EYS: variants seen among roughly 807,000 people sequenced by gnomAD.
The protein encoded by EYS is EGF-like photoreceptor maintenance factor.
In EYS, 250 loss-of-function variants were observed where a neutral mutation model predicts 282.1. That is an observed-to-expected ratio of 0.89 (90% confidence interval 0.80 to 0.98). EYS has a LOEUF of 0.98. Ranked by LOEUF, EYS falls within the 50% of genes least tolerant of loss-of-function variation. EYS has a pLI of 0.00. For synonymous variants in EYS, 1,355 were observed against 1,282.9 expected (o/e 1.06, Z -1.20); for missense variants, 4,016 against 3,709.0 (o/e 1.08, Z -2.15).
At chr6:65,221,343 T>A (rs557595803) in intron 12 of EYS, among the ~76,000 whole-genome samples, 1 of 152,280 alleles carries the variant, frequency 6.6e-6, no homozygotes, top group African/African-American at 2.4e-5. Flanking sequence ...AATGGTTTTG[T>A]GTTCCAGGCC....
At chr6:64,592,392 T>C (rs542382642) in intron 25 of EYS, among the ~76,000 whole-genome samples, 2 of 152,280 alleles carry the variant, frequency 1.3e-5, no homozygotes, top group African/African-American at 4.8e-5. Context: ...GGCAAAATGT[T>C]CTGTTTATAT....
At chr6:65,498,223 G>T (rs1766323862) in intron 2 of EYS, among the ~76,000 whole-genome samples, 1 of 151,948 alleles carries the variant, frequency 6.6e-6, no homozygotes, top group Non-Finnish European at 1.5e-5. Context: ...TAGCACAAGT[G>T]TTCAGAAATC....
At chr6:64,807,010 A>G (rs1379356053) in intron 22 of EYS, among the ~76,000 whole-genome samples, 14 of 152,118 alleles carry the variant, frequency 9.2e-5, no homozygotes, top group Non-Finnish European at 2.1e-4. Flanking sequence ...TAATTTCAAC[A>G]TAGCTTTTAC....
intron 22 of EYS, among the ~76,000 whole-genome samples, chr6:64,719,839 T>A (rs1240245746): frequency 6.6e-6 from 1 of 152,102 alleles, no homozygotes; most frequent in African/African-American, 2.4e-5. Context: ...AGGTGGAGGC[T>A]GCAGTGAGCC....
At chr6:64,887,020 C>A (rs566690192) in intron 18 of EYS, among the ~76,000 whole-genome samples, 178 bp from the exon 19 acceptor site, 2 of 151,454 alleles carry the variant, frequency 1.3e-5, no homozygotes, top group Non-Finnish European at 2.9e-5. Context: ...TTTTGTTCTG[C>A]TCAAATGTTC....
At chr6:64,628,494 T>C (rs1767680778) in intron 22 of EYS, among the ~76,000 whole-genome samples, 1 of 152,138 alleles carries the variant, frequency 6.6e-6, no homozygotes, top group South Asian at 2.1e-4. Flanking sequence ...TAGCTCACTG[T>C]AATATAAAAC....
At chr6:64,293,949 C>T (rs1211218776) in intron 30 of EYS, among the ~76,000 whole-genome samples, 6 of 152,050 alleles carry the variant, frequency 3.9e-5, no homozygotes. Flanking sequence ...ATCAATCTTT[C>T]ATATTTTAGG....
At chr6:64,312,852 C>T (rs1431925215) in intron 29 of EYS, among the ~76,000 whole-genome samples, 3 of 152,132 alleles carry the variant, frequency 2.0e-5, no homozygotes, top group Admixed American at 6.5e-5. Flanking sequence ...ACAAAAAGGA[C>T]GTCCACTCAG....
At chr6:64,690,112 A>C (rs1770318774) in intron 22 of EYS, among the ~76,000 whole-genome samples, 1 of 151,910 alleles carries the variant, frequency 6.6e-6, no homozygotes. Context: ...ATCTACAAAG[A>C]ACTCAAACAA....
At chr6:64,250,796 T>G (rs1730870796) in intron 30 of EYS, among the ~76,000 whole-genome samples, 2 of 152,282 alleles carry the variant, frequency 1.3e-5, no homozygotes, top group African/African-American at 4.8e-5. Context: ...CTCTATTAAT[T>G]TCCATGTGAG....
intron 1 of EYS, among the ~76,000 whole-genome samples, chr6:65,643,220 C>T (rs540900749): frequency 6.6e-6 from 1 of 152,272 alleles, no homozygotes; most frequent in South Asian, 2.1e-4. Context: ...GCCTTTAGGA[C>T]TGTGGGCTGT....
chr6:65,038,035 A>G (rs1168757857), intron 13 of EYS, among the ~76,000 whole-genome samples: 1 of 151,722 alleles, frequency 6.6e-6, no homozygotes, highest in Non-Finnish European at 1.5e-5. Flanking sequence ...GCTCAAGTCA[A>G]GAATGCATGG....
intron 1 of EYS, among the ~76,000 whole-genome samples, chr6:65,665,341 C>T (rs1008365419): frequency 6.6e-6 from 1 of 152,070 alleles, no homozygotes; most frequent in Non-Finnish European, 1.5e-5. Flanking sequence ...TCTTAAAGCT[C>T]GGTCTTAAGA....
intron 36 of EYS, among the ~76,000 whole-genome samples, chr6:63,810,168 G>A (rs1200027012): frequency 6.6e-6 from 1 of 151,296 alleles, no homozygotes; most frequent in Non-Finnish European, 1.5e-5. Flanking sequence ...GGCTGAGGCA[G>A]GAAAATCACT....
chr6:63,977,827 C>T (rs1371986296), intron 35 of EYS, among the ~76,000 whole-genome samples: 2 of 151,956 alleles, frequency 1.3e-5, no homozygotes, highest in Non-Finnish European at 2.9e-5. Flanking sequence ...TGTCCCAAGC[C>T]AGACCCAAAC....
At chr6:65,211,004 G>A (rs757299682) in intron 12 of EYS, among the ~76,000 whole-genome samples, 21 of 151,684 alleles carry the variant, frequency 1.4e-4, no homozygotes, top group Non-Finnish European at 1.9e-4. Flanking sequence ...AAATATACTA[G>A]TCAGTGTCTA....
intron 13 of EYS, among the ~76,000 whole-genome samples, chr6:65,020,714 G>T (rs1372819754): frequency 6.6e-6 from 1 of 152,172 alleles, no homozygotes; most frequent in African/African-American, 2.4e-5. Context: ...CTACTGCACT[G>T]CCCTAGCAGA....
At chr6:64,766,316 A>G (rs1773333198) in intron 22 of EYS, among the ~76,000 whole-genome samples, 1 of 149,258 alleles carries the variant, frequency 6.7e-6, no homozygotes, top group African/African-American at 2.5e-5. Context: ...TTCTTTCTCT[A>G]TTTATTTATA....
intron 36 of EYS, among the ~76,000 whole-genome samples, chr6:63,855,527 G>T (rs998487496): frequency 1.1e-4 from 16 of 152,178 alleles, no homozygotes; most frequent in African/African-American, 3.4e-4. Context: ...CAGGGCAACA[G>T]CATACATAGC....
Sources: allele counts gnomAD v4.1 joint callset (sites outside exome capture counted in the v4.1 genomes callset), GRCh38; gene constraint gnomAD v4.1.1; transcripts MANE v1.5; gene names NCBI Gene and HGNC (gene_info 2026-07-23, HGNC 2026-07-21).